The following KCNK12 variants were observed in gnomAD, a reference collection of about 807,000 sequenced individuals.
The protein encoded by KCNK12 is potassium two pore domain channel subfamily K member 12.
A neutral mutation model predicts 25.3 loss-of-function variants in KCNK12; 6 were observed. That is an observed-to-expected ratio of 0.24 (90% CI 0.13 to 0.47). KCNK12 has a LOEUF of 0.47. Among genes scored for constraint, KCNK12 ranks in the 20% least tolerant of loss-of-function variants. The probability of loss-of-function intolerance (pLI) is 0.99; values close to 1 mark genes in which losing one functional copy is unlikely to be tolerated. For missense variants in KCNK12, 444 were observed against 661.7 expected, an observed-to-expected ratio of 0.67 and a Z score of 3.61; for synonymous variants, 331 against 311.1, an observed-to-expected ratio of 1.06 and a Z score of -0.67.
In KCNK12 at chr2:47,512,281, C is replaced by T. The variant is rs779183616; in HGVS notation, c.*8626G>A. On this transcript the variant is annotated 3_prime_UTR_variant, in exon 2 of 2. Transcript: ENST00000327876. Reference sequence around the variant, plus strand: ...TCCCCGTGGAACTCCTACATTTTCTCCTCTCTTCTCCTTCCTTTCAGAACC... The same window carrying T: ...TCCCCGTGGAACTCCTACATTTTCTTCTCTCTTCTCCTTCCTTTCAGAACC... 1.2e-6 allele frequency: 2 copies of T among 1,611,136 alleles called. No individual in the cohort carries two copies. The highest frequency in any genetic ancestry group is 8.5e-7 in the Non-Finnish European group (1 of 1,179,258).
At chr2:47,536,731 T>A (rs1325708786) in intron 1 of KCNK12, among the ~76,000 whole-genome samples, 1 of 152,182 alleles carries the variant, frequency 6.6e-6, no homozygotes, top group Admixed American at 6.5e-5. Context: ...GGAGTTGGGC[T>A]TGAGTTCTTG....
At chr2:47,553,193 C>G (rs1669475708) in intron 1 of KCNK12, among the ~76,000 whole-genome samples, 1 of 152,234 alleles carries the variant, frequency 6.6e-6, no homozygotes, top group Admixed American at 6.5e-5. Context: ...GTGACGAATT[C>G]TGCTCTTTGT....
chr2:47,530,594 A>G (rs1212875152), intron 1 of KCNK12, among the ~76,000 whole-genome samples: 5 of 152,204 alleles, frequency 3.3e-5, no homozygotes, highest in Admixed American at 6.5e-5. Context: ...ACGCGTATCA[A>G]TTCATTTAAT....
chr2:47,570,317 G>A lies in KCNK12; in HGVS notation c.15C>T (p.Ser5=), dbSNP rs1669866101. ...GGCTACGGCGGGGCGGGGGCCGGGG[G>A]CTGCGGGAGGACATGGTCCGGAGCT... MSSR[S]PRPPPRRSRR... is the part of the protein sequence containing the mutation. Residue 5 remains serine, a synonymous_variant, in exon 1 of 2, where the codon AGC becomes AGT. Coordinates refer to ENST00000327876, the MANE Select transcript of KCNK12 (RefSeq NM_022055.2). The A allele has an allele frequency of 1.5e-6, 2 of 1,332,560 alleles. No individual in the cohort carries two copies. Among genetic ancestry groups the A allele is most frequent in the Admixed American group, 3.8e-5 (1 of 26,518 alleles). 82.5% of individuals were successfully genotyped at this position (1,332,560 alleles called of 1,614,324 possible).
chr2:47,522,459 A>G (rs1214046315), intron 1 of KCNK12, among the ~76,000 whole-genome samples: 1 of 152,156 alleles, frequency 6.6e-6, no homozygotes, highest in Non-Finnish European at 1.5e-5. Context: ...AGGCACTTCG[A>G]AAAGGCCTTT....
intron 1 of KCNK12, chr2:47,534,939 TC>T (rs1419655315): frequency 9.0e-6 from 2 of 221,224 alleles, no homozygotes; most frequent in Non-Finnish European, 1.8e-5. Flanking sequence ...AGTGGATAGT[TC>T]CAAGCCCTCT....
At position 47,548,475 on chromosome 2, in the gene KCNK12, C is replaced by T. The variant is rs962445528; in HGVS notation, c.391+21466G>A. Among the ~76,000 whole-genome samples, 1 of 152,182 alleles carries T rather than the reference C, an allele frequency of 6.6e-6. No homozygotes were observed. The highest frequency in any genetic ancestry group is 1.5e-5 in the Non-Finnish European group (1 of 68,036). ...TCCCTATCTCAGTAAATGGCAAATC[C>T]ATCCTTGCAGTTGCTAAGGGCAAAA... On this transcript the variant is annotated intron_variant, in intron 1 of 1. Transcript: ENST00000327876. The surrounding 1 kb of genome is among the most constrained non-coding windows in gnomAD (Gnocchi z 4.4).
chr2:47,555,577 C>G lies in KCNK12; in HGVS notation c.391+14364G>C, dbSNP rs1669535349. 6.6e-6 allele frequency among the ~76,000 whole-genome samples: 1 copy of G among 152,224 alleles called. No homozygotes were observed. Among genetic ancestry groups the G allele is most frequent in the African/African-American group, 2.4e-5 (1 of 41,456 alleles). On this transcript the variant is annotated intron_variant, in intron 1 of 1. Coordinates refer to ENST00000327876, the MANE Select transcript of KCNK12 (RefSeq NM_022055.2). This position sits in a 1 kb window ranked among gnomAD's most constrained non-coding sequence, Gnocchi z 4.5. ...CTCATCATTACTTCACAATTTATCA[C>G]TCTTTGTTAAAATGGTATACAACTT...
At position 47,513,487 on chromosome 2, in the gene KCNK12, T is replaced by A. The variant is rs1386766565; in HGVS notation, c.*7420A>T. 2.0e-5 allele frequency among the ~76,000 whole-genome samples: 3 copies of A among 152,156 alleles called. No homozygotes were observed. Among genetic ancestry groups the A allele is most frequent in the Admixed American group, 6.5e-5 (1 of 15,282 alleles). On this transcript the variant is annotated 3_prime_UTR_variant, in exon 2 of 2. Transcript: ENST00000327876. ...TTCCTCCTGTCCCTTAAATGCTGGTTGTGATCCTCTTTTTATCTCATTCTA... is the reference window on the plus strand; with the variant it reads ...TTCCTCCTGTCCCTTAAATGCTGGTAGTGATCCTCTTTTTATCTCATTCTA...
At chr2:47,543,937 C>G (rs779701810) in intron 1 of KCNK12, 1 of 152,164 alleles carries the variant, frequency 6.6e-6, no homozygotes, top group Non-Finnish European at 1.5e-5. Flanking sequence ...TTCTTTCTAC[C>G]AAGGAGCCAG....
In KCNK12 at chr2:47,519,646, A is replaced by T. The variant is rs1433550494; in HGVS notation, c.*1261T>A. On this transcript the variant is annotated 3_prime_UTR_variant, in exon 2 of 2. Coordinates refer to ENST00000327876, the MANE Select transcript of KCNK12 (RefSeq NM_022055.2). ...AGCCCGAGAGCAAAACTGTAATCCTAACATTACTTCCATCCACCAGTTTCA... is the reference window on the plus strand; with the variant it reads ...AGCCCGAGAGCAAAACTGTAATCCTTACATTACTTCCATCCACCAGTTTCA... 1 of 152,252 alleles carries T rather than the reference A, an allele frequency of 6.6e-6. No individual in the cohort carries two copies. The highest frequency in any genetic ancestry group is 1.9e-4 in the East Asian group (1 of 5,200). 9.4% of individuals were successfully genotyped at this position (152,252 alleles called of 1,614,324 possible).
chr2:47,554,728 T>C (rs912488610), intron 1 of KCNK12, among the ~76,000 whole-genome samples: 2 of 152,212 alleles, frequency 1.3e-5, no homozygotes, highest in Non-Finnish European at 2.9e-5. Flanking sequence ...TAAAGATCTC[T>C]TTGGCTGTGT....
rs984942877 is a variant in KCNK12, at chr2:47,557,054, A to T, written c.391+12887T>A. 1.3e-5 allele frequency among the ~76,000 whole-genome samples: 2 copies of T among 152,242 alleles called. No homozygotes were observed. The highest frequency in any genetic ancestry group is 4.8e-5 in the African/African-American group (2 of 41,462). On this transcript the variant is annotated intron_variant, in intron 1 of 1. Coordinates refer to ENST00000327876, the MANE Select transcript of KCNK12 (RefSeq NM_022055.2). This position sits in a 1 kb window ranked among gnomAD's most constrained non-coding sequence, Gnocchi z 4.9. Reference sequence around the variant, plus strand: ...GCTGGAGAAGGCTGGAGAGGAACTCAGTGAGGCAGACTTCAGTGAATGGGC... The same window carrying T: ...GCTGGAGAAGGCTGGAGAGGAACTCTGTGAGGCAGACTTCAGTGAATGGGC...
chr2:47,551,535 C>T lies in KCNK12; in HGVS notation c.391+18406G>A, dbSNP rs940527245. 2.0e-5 allele frequency among the ~76,000 whole-genome samples: 3 copies of T among 152,174 alleles called. No homozygotes were observed. Among genetic ancestry groups the T allele is most frequent in the Non-Finnish European group, 4.4e-5 (3 of 68,036 alleles). On this transcript the variant is annotated intron_variant, in intron 1 of 1. Transcript: ENST00000327876. This position sits in a 1 kb window ranked among gnomAD's most constrained non-coding sequence, Gnocchi z 5.3. ...CCCTGGGGATTTTCAGTTGCTGGCA[C>T]ATAGTGGAGCGCTCAAGAAATATTT...
intron 1 of KCNK12, among the ~76,000 whole-genome samples, chr2:47,568,341 G>C (rs1199468407): frequency 6.6e-6 from 1 of 151,672 alleles, no homozygotes; most frequent in Non-Finnish European, 1.5e-5. Flanking sequence ...ATAGCAACTT[G>C]ATGCAGCTCT....
chr2:47,523,566 G>A (rs1668706773), intron 1 of KCNK12, among the ~76,000 whole-genome samples: 1 of 152,258 alleles, frequency 6.6e-6, no homozygotes, highest in Admixed American at 6.5e-5. Flanking sequence ...CAGAAGGTGT[G>A]GCTGCCTGCC....
chr2:47,548,337 A>G lies in KCNK12; in HGVS notation c.391+21604T>C, dbSNP rs1296184002. On this transcript the variant is annotated intron_variant, in intron 1 of 1. Coordinates refer to ENST00000327876, the MANE Select transcript of KCNK12 (RefSeq NM_022055.2). This position sits in a 1 kb window ranked among gnomAD's most constrained non-coding sequence, Gnocchi z 4.4. ...TGAGTTCTAGACTGGCCTATCCACTATCTAACTGGCACCCGGCTTGGAAGT... is the reference window on the plus strand; with the variant it reads ...TGAGTTCTAGACTGGCCTATCCACTGTCTAACTGGCACCCGGCTTGGAAGT... Among the ~76,000 whole-genome samples the G allele has an allele frequency of 6.6e-6, 1 of 152,168 alleles. No homozygotes were observed. The highest frequency in any genetic ancestry group is 1.9e-4 in the East Asian group (1 of 5,192).
rs143276527 is a variant in KCNK12 at position 47,565,823 on chromosome 2, C to T, written c.391+4118G>A. 1.4e-3 allele frequency: 208 copies of T among 152,316 alleles called. 2 individuals are homozygous for T. Among genetic ancestry groups the T allele is most frequent in the African/African-American group, 4.9e-3 (203 of 41,564 alleles). The allele number at this position is 152,316 out of a possible 1,614,324, so 9.4% of individuals were successfully genotyped here. On this transcript the variant is annotated intron_variant, in intron 1 of 1. Transcript: ENST00000327876. The surrounding 1 kb of genome is among the most constrained non-coding windows in gnomAD (Gnocchi z 5.0). ...TGTTTCGTGCTAAAAGAACACAAGA[C>T]AGTTATCTTTATCTTTAGGAGTTCA...
In KCNK12 at chr2:47,516,041, G is replaced by T. The variant is rs1668516551; in HGVS notation, c.*4866C>A. On this transcript the variant is annotated 3_prime_UTR_variant, in exon 2 of 2. Transcript: ENST00000327876. The stretch of plus-strand genomic sequence containing the variant: ...AAGACCGCTGGGAGGTGGGGGGATG[G>T]TATCATCATCCCACTTTAGAGATGA... Among the ~76,000 whole-genome samples, 1 of 152,154 alleles carries T rather than the reference G, an allele frequency of 6.6e-6. No homozygotes were observed. The highest frequency in any genetic ancestry group is 6.5e-5 in the Admixed American group (1 of 15,270).
Sources: allele counts gnomAD v4.1 joint callset (sites outside exome capture counted in the v4.1 genomes callset), GRCh38; gene constraint gnomAD v4.1.1; non-coding constraint Gnocchi (gnomAD v3.1); transcripts MANE v1.5; gene names NCBI Gene and HGNC (gene_info 2026-07-23, HGNC 2026-07-21).